CEP192: variants seen among roughly 807,000 people sequenced by gnomAD.
The protein encoded by CEP192 is centrosomal protein of 192 kDa.
In CEP192, 151 loss-of-function variants were observed where a neutral mutation model predicts 271.8. That is an observed-to-expected ratio of 0.56 (90% CI 0.49 to 0.64). The LOEUF (loss-of-function observed/expected upper bound fraction) is 0.64, where lower values mean the gene tolerates loss of function less well. Ranked by LOEUF, CEP192 falls within the 30% of genes least tolerant of loss-of-function variation. The pLI, the probability that CEP192 is intolerant of heterozygous loss-of-function variation, is 0.00. For missense variants in CEP192, 2,910 were observed against 3,020.5 expected (o/e 0.96, Z 0.86); for synonymous variants, 995 against 1,076.5 (o/e 0.92, Z 1.48).
rs144853102 is a variant in CEP192, at chr18:13,123,531, C to T, written c.7476-1101C>T. ...TCAGGACAGATGCTGGAAACCGAAA[C>T]GTACATCACTTCTGGTTGCCAGTCT... On this transcript the variant is annotated intron_variant, in intron 44 of 44. Coordinates refer to ENST00000506447, the MANE Select transcript of CEP192 (RefSeq NM_032142.4). 2.6e-5 allele frequency among the ~76,000 whole-genome samples: 4 copies of T among 152,286 alleles called. No individual in the cohort carries two copies. In the East Asian group the frequency reaches 5.8e-4, roughly 22 times the overall value.
chr18:13,026,461 C>G (rs1233464605), intron 9 of CEP192, among the ~76,000 whole-genome samples: 1 of 152,166 alleles, frequency 6.6e-6, no homozygotes, highest in Admixed American at 6.6e-5. Context: ...GGGAAATTCT[C>G]AGTCATTATT....
intron 15 of CEP192, among the ~76,000 whole-genome samples, chr18:13,044,941 T>C (rs988134262): frequency 6.6e-6 from 1 of 152,194 alleles, no homozygotes. Flanking sequence ...ATTTCTTTAA[T>C]AGTTGTAGTA....
intron 22 of CEP192, 57 bp from the exon 23 acceptor site, chr18:13,068,037 G>A: frequency 6.2e-7 from 1 of 1,602,348 alleles, no homozygotes; most frequent in South Asian, 1.1e-5. Flanking sequence ...GATTTTGTTA[G>A]CAAACTTAGC....
chr18:13,062,205 G>T (rs1280512057), intron 21 of CEP192, among the ~76,000 whole-genome samples: 2 of 150,948 alleles, frequency 1.3e-5, no homozygotes, highest in African/African-American at 4.9e-5. Context: ...GAATAGTTCA[G>T]TGTTAAGCCA....
At position 13,039,178 on chromosome 18, in the gene CEP192, A is replaced by AG. The variant is rs551231646; in HGVS notation, c.1809+600dup. 3.3e-5 allele frequency among the ~76,000 whole-genome samples: 5 copies of AG among 152,220 alleles called. No individual in the cohort carries two copies. In the South Asian group the frequency reaches 8.3e-4, roughly 25 times the overall value. ...GTGATGAAAAGGAGGCAGCAGGGCC[A>AG]GCGCAGTGGCTCACACCTGTAATCC... On this transcript the variant is annotated intron_variant, in intron 13 of 44. Coordinates refer to ENST00000506447, the MANE Select transcript of CEP192 (RefSeq NM_032142.4).
intron 32 of CEP192, chr18:13,088,679 T>C: frequency 8.7e-6 from 2 of 230,408 alleles, no homozygotes; most frequent in South Asian, 1.1e-4. Flanking sequence ...CCTGTTTCCT[T>C]CTGACCCTTT....
At position 13,056,644 on chromosome 18, in the gene CEP192, G is replaced by A. The variant is rs1449418623; in HGVS notation, c.4054G>A (p.Val1352Ile). Reference protein sequence around the residue: ...STTKPFPVPSVGTNCGIEPWD... With the variant: ...STTKPFPVPSIGTNCGIEPWD... Reference sequence around the variant, plus strand: ...AACAAAACCTTTTCCTGTGCCGTCTGTTGGTACAAACTGTGGAATTGAACC... The same window carrying A: ...AACAAAACCTTTTCCTGTGCCGTCTATTGGTACAAACTGTGGAATTGAACC... Residue 1352 changes from valine to isoleucine, a missense_variant, in exon 19 of 45, where the codon GTT becomes ATT. Coordinates refer to ENST00000506447, the MANE Select transcript of CEP192 (RefSeq NM_032142.4). 4 of 1,613,554 alleles carry A rather than the reference G, an allele frequency of 2.5e-6. No homozygotes were observed. The highest frequency in any genetic ancestry group is 3.4e-6 in the Non-Finnish European group (4 of 1,179,742).
In CEP192 at chr18:13,068,960, T is replaced by C; in HGVS notation, c.4931T>C (p.Ile1644Thr). 1.2e-6 allele frequency: 2 copies of C among 1,614,150 alleles called. No homozygotes were observed. Among genetic ancestry groups the C allele is most frequent in the Non-Finnish European group, 8.5e-7 (1 of 1,180,016 alleles). ...RSVSLRARAG[I>T]ARIHAPRDLQ... ...GTGAGTCTCCGAGCAAGAGCAGGAA[T>C]AGCTAGGATCCATGCTCCCAGGGAC... Residue 1644 changes from isoleucine to threonine, a missense_variant, in exon 25 of 45, where the codon ATA (isoleucine) becomes ACA (threonine). Physicochemically the swap from Ile to Thr is moderately conservative, Grantham distance 89 (BLOSUM62 -1). Coordinates refer to ENST00000506447, the MANE Select transcript of CEP192 (RefSeq NM_032142.4).
chr18:13,017,922 C>A (rs566334971), intron 7 of CEP192, among the ~76,000 whole-genome samples: 18 of 152,194 alleles, frequency 1.2e-4, no homozygotes, highest in African/African-American at 4.3e-4. Flanking sequence ...TCTTTCATGA[C>A]GTGATCTATT....
intron 30 of CEP192, among the ~76,000 whole-genome samples, chr18:13,077,041 CA>C (rs1359058134): frequency 2.6e-5 from 4 of 152,164 alleles, no homozygotes; most frequent in Non-Finnish European, 5.9e-5. Flanking sequence ...CCTTGGCCTC[CA>C]AAAGTGCTGA....
intron 38 of CEP192, among the ~76,000 whole-genome samples, chr18:13,101,280 T>C (rs2039692957): frequency 6.6e-6 from 1 of 152,200 alleles, no homozygotes; most frequent in Non-Finnish European, 1.5e-5. Context: ...GAGGATTTGC[T>C]CAACTGTGGG....
At chr18:13,111,694 A>C (rs573931487) in intron 40 of CEP192, among the ~76,000 whole-genome samples, 24 of 152,378 alleles carry the variant, frequency 1.6e-4, no homozygotes, top group Middle Eastern at 6.8e-3. Context: ...TGAAAGACAG[A>C]GAATAGGGAC....
intron 12 of CEP192, 65 bp downstream of exon 12, chr18:13,037,366 A>G: frequency 1.5e-6 from 1 of 674,586 alleles, no homozygotes; most frequent in Middle Eastern, 2.5e-4. Context: ...GTGTAGGCAC[A>G]GTGTTCATTT....
At chr18:13,073,814 A>G (rs1288124220) in intron 30 of CEP192, among the ~76,000 whole-genome samples, 1 of 152,130 alleles carries the variant, frequency 6.6e-6, no homozygotes, top group African/African-American at 2.4e-5. Flanking sequence ...CAAAGGCCCC[A>G]CCTCTTAGTA....
At chr18:13,095,760 C>A in intron 35 of CEP192, 79 bp downstream of exon 35, 1 of 1,229,122 alleles carries the variant, frequency 8.1e-7, no homozygotes, top group Non-Finnish European at 1.2e-6. Context: ...ATGGCCTATC[C>A]AAGACACACA....
At chr18:13,053,443 C>T (rs777300096) in intron 18 of CEP192, among the ~76,000 whole-genome samples, 8 of 152,102 alleles carry the variant, frequency 5.3e-5, no homozygotes, top group African/African-American at 1.7e-4. Flanking sequence ...GAAGCCACAC[C>T]GTGCAGGACT....
chr18:13,122,437 C>T (rs547199811), intron 44 of CEP192, among the ~76,000 whole-genome samples: 26 of 151,846 alleles, frequency 1.7e-4, no homozygotes, highest in Admixed American at 1.4e-3. Flanking sequence ...ACAAAGTAGC[C>T]GGGCCTGGTG....
chr18:13,100,629 TGGTCATTAGCAGTC>T (rs1159154041), intron 38 of CEP192, 117 bp downstream of exon 38: 2 of 759,960 alleles, frequency 2.6e-6, no homozygotes, highest in Admixed American at 2.6e-5. Flanking sequence ...AGGAGAAAAG[TGGTCATTAGCAGTC>T]ATTTCAATGA....
chr18:13,099,342 A>C, intron 36 of CEP192, 134 bp from the exon 37 acceptor site: 1 of 564,546 alleles, frequency 1.8e-6, no homozygotes, highest in Admixed American at 3.5e-5. Context: ...GCCGCATGGG[A>C]GTGAGCTCTG....
Sources: gnomAD v4.1 joint callset for allele counts (sites outside exome capture counted in the v4.1 genomes callset) on GRCh38, gnomAD v4.1.1 for gene constraint, MANE v1.5 for transcripts, NCBI Gene and HGNC (gene_info 2026-07-23, HGNC 2026-07-21) for gene names.